The following RSPH10B2 variants were observed in gnomAD, a reference collection of about 807,000 sequenced individuals.
The protein encoded by RSPH10B2 is radial spoke head 10 homolog B2 (Chlamydomonas).
A neutral mutation model predicts 49.0 loss-of-function variants in RSPH10B2; 9 were observed. The observed-to-expected ratio is 0.18, with a 90% CI of 0.11 to 0.32. RSPH10B2 has a LOEUF of 0.32. Among genes scored for constraint, RSPH10B2 ranks in the 10% least tolerant of loss-of-function variants. The pLI, the probability that RSPH10B2 is intolerant of heterozygous loss-of-function variation, is 1.00. For missense variants in RSPH10B2, 95 were observed against 589.9 expected (o/e 0.16, Z 8.69); for synonymous variants, 35 against 210.2 (o/e 0.17, Z 7.21).
intron 17 of RSPH10B2, among the ~76,000 whole-genome samples, chr7:6,796,057 T>C (rs1782543272): frequency 7.0e-6 from 1 of 143,584 alleles, no homozygotes. Flanking sequence ...CAGTGGCTCA[T>C]GCCTGTAATC....
intron 17 of RSPH10B2, chr7:6,794,214 C>T (rs1414431269): frequency 1.3e-5 from 2 of 157,946 alleles, no homozygotes; most frequent in Admixed American, 6.5e-5. Context: ...TTCTCCAGGA[C>T]CTCTCCTGTG....
chr7:6,755,953 A>C (rs1445231494), upstream of RSPH10B2, among the ~76,000 whole-genome samples: 1,485 of 141,200 alleles, frequency 0.011, 16 homozygotes, highest in African/African-American at 0.04. Context: ...AAAAAAAAAA[A>C]AAACAAACCC....
Position 6,763,443 on chromosome 7 carries a change from A to G in RSPH10B2, c.400-485A>G, listed in dbSNP as rs1414444244. On this transcript the variant is annotated intron_variant, in intron 3 of 18. Coordinates refer to ENST00000297186, the Ensembl canonical transcript of RSPH10B2. ...GACAGAGTGAGACTCTGTCTCAAAA[A>G]TAAAAACAAAAATAAAATCTTTTTC... Among the ~76,000 whole-genome samples the G allele has an allele frequency of 3.4e-5, 4 of 118,430 alleles. 1 individual carries two copies. Among genetic ancestry groups the G allele is most frequent in the Admixed American group, 2.6e-4 (3 of 11,332 alleles). 77.7% of individuals were successfully genotyped at this position (118,430 alleles called of 152,430 possible).
intron 6 of RSPH10B2, among the ~76,000 whole-genome samples, chr7:6,767,756 AT>A (rs1222472314): frequency 9.4e-3 from 167 of 17,698 alleles, no homozygotes; most frequent in African/African-American, 0.055. Flanking sequence ...TAAAAAAATA[AT>A]TTTTTTTTTT....
chr7:6,793,820 G>C (rs529147062), intron 17 of RSPH10B2, among the ~76,000 whole-genome samples: 41 of 145,210 alleles, frequency 2.8e-4, no homozygotes, highest in African/African-American at 1.0e-3. Context: ...TTCCAGCCTG[G>C]GTGACAGTGA....
Position 6,796,806 on chromosome 7 carries a change from G to A in RSPH10B2, c.2432+40G>A, listed in dbSNP as rs2528352. 4 of 1,124,958 alleles carry A rather than the reference G, an allele frequency of 3.6e-6. 1 individual carries two copies. The highest frequency in any genetic ancestry group is 5.2e-5 in the East Asian group (1 of 19,248). 69.7% of individuals were successfully genotyped at this position (1,124,958 alleles called of 1,614,324 possible). A position where few individuals can be genotyped will look rare whatever the true frequency, so the allele number is the denominator to read the frequency against. On this transcript the variant is annotated intron_variant, in intron 18 of 18. Transcript: ENST00000297186. ...CCCTCCTCTCCTTCCCCAGCTGCTC[G>A]CTCTCTTCCTGTCTTCCGTAGCTGC...
At chr7:6,791,388 C>T (rs1166997947) in intron 16 of RSPH10B2, among the ~76,000 whole-genome samples, 3 of 148,206 alleles carry the variant, frequency 2.0e-5, no homozygotes, top group Admixed American at 6.8e-5. Context: ...GAGAGGCTTT[C>T]AGTAAATGCC....
rs879776638 is a variant in RSPH10B2 at position 6,783,038 on chromosome 7, C to CT, written c.1758+1574dup. ...TATTGGTTGTTTTTGTTCCATGATA[C>CT]TTTTTTTTTTTTAGACAAAGTCTCG... On this transcript the variant is annotated intron_variant, in intron 13 of 18. Transcript: ENST00000297186. Among the ~76,000 whole-genome samples the CT allele has an allele frequency of 4.6e-4, 55 of 119,934 alleles. 2 individuals are homozygous for CT. The highest frequency in any genetic ancestry group is 5.7e-4 in the Non-Finnish European group (33 of 58,096). The allele number at this position is 119,934 out of a possible 152,430, so 78.7% of individuals were successfully genotyped here. A position where few individuals can be genotyped will look rare whatever the true frequency, so the allele number is the denominator to read the frequency against.
At chr7:6,765,818 G>A (rs1264513143) in intron 5 of RSPH10B2, 27 bp downstream of exon 7, 1 of 1,567,010 alleles carries the variant, frequency 6.4e-7, no homozygotes. Flanking sequence ...CCGCGCTTGG[G>A]GTGTAGATGA....
intron 17 of RSPH10B2, among the ~76,000 whole-genome samples, chr7:6,795,796 G>A (rs1366797001): frequency 6.8e-6 from 1 of 147,852 alleles, no homozygotes; most frequent in Non-Finnish European, 1.5e-5. Context: ...TCGTGTGGTG[G>A]TGCATGCCTG....
chr7:6,795,707 G>C (rs1782524015), intron 17 of RSPH10B2, among the ~76,000 whole-genome samples: 1 of 145,916 alleles, frequency 6.9e-6, no homozygotes, highest in African/African-American at 2.5e-5. Context: ...GCTGCAGTGA[G>C]CCATGATGGT....
chr7:6,782,276 C>T (rs1439593849), intron 13 of RSPH10B2, among the ~76,000 whole-genome samples: 16 of 145,188 alleles, frequency 1.1e-4, no homozygotes, highest in Admixed American at 3.4e-4. Flanking sequence ...CCGAGTACAG[C>T]GGGGCACCCC....
upstream of RSPH10B2, among the ~76,000 whole-genome samples, chr7:6,755,953 A>G (rs1445231494): frequency 1.4e-5 from 2 of 141,608 alleles, no homozygotes; most frequent in Non-Finnish European, 3.0e-5. Flanking sequence ...AAAAAAAAAA[A>G]AAACAAACCC....
At chr7:6,776,944 A>G (rs1781770091) in intron 10 of RSPH10B2, among the ~76,000 whole-genome samples, 1 of 122,838 alleles carries the variant, frequency 8.1e-6, no homozygotes, top group Non-Finnish European at 1.7e-5. Context: ...AGGGGTCCCC[A>G]ACCCCCAGGC....
intron 17 of RSPH10B2, among the ~76,000 whole-genome samples, chr7:6,796,206 C>T (rs1317818993): frequency 3.5e-4 from 40 of 113,092 alleles, no homozygotes; most frequent in African/African-American, 1.3e-3. Context: ...TGTAGCTACT[C>T]GGGAGGCTGA....
intron 12 of RSPH10B2, 74 bp downstream of exon 14, chr7:6,780,962 C>T: frequency 7.5e-7 from 1 of 1,335,588 alleles, no homozygotes; most frequent in Non-Finnish European, 9.8e-7. Context: ...GGGCTGGGCG[C>T]AGTGGCTCAC....
chr7:6,758,903 C>T lies in RSPH10B2; in HGVS notation c.255-181C>T, dbSNP rs562237482. 9.3e-5 allele frequency among the ~76,000 whole-genome samples: 13 copies of T among 139,284 alleles called. No homozygotes were observed. In the South Asian group the frequency reaches 2.8e-3, roughly 30 times the overall value. The allele number at this position is 139,284 out of a possible 152,430, so 91.4% of individuals were successfully genotyped here. On this transcript the variant is annotated intron_variant, in intron 1 of 18. Transcript: ENST00000297186. ...AACCCCGAAATGCCTTCATTCCTCA[C>T]CCTACTTTCAAACCCCTGGTAACCT... is the stretch of plus-strand genomic sequence containing the variant.
At chr7:6,764,399 C>T (rs550568863) in intron 4 of RSPH10B2, among the ~76,000 whole-genome samples, 2,293 of 149,908 alleles carry the variant, frequency 0.015, 8 homozygotes, top group African/African-American at 0.042. Context: ...CTTGCTCTGT[C>T]GCCCAGGCGG....
At chr7:6,776,922 C>CAT (rs1781766497) in intron 10 of RSPH10B2, among the ~76,000 whole-genome samples, 1 of 126,866 alleles carries the variant, frequency 7.9e-6, no homozygotes, top group African/African-American at 2.9e-5. Flanking sequence ...CACACACACA[C>CAT]ACACAAAAGG....
Sources: allele counts gnomAD v4.1 joint callset (sites outside exome capture counted in the v4.1 genomes callset), GRCh38; gene constraint gnomAD v4.1.1; transcripts MANE v1.5; gene names NCBI Gene and HGNC (gene_info 2026-07-23, HGNC 2026-07-21).